STPG1: variants seen among roughly 807,000 people sequenced by gnomAD.
STPG1 encodes O(6)-methylguanine-induced apoptosis 2.
STPG1 carries 33 observed loss-of-function variants against 40.1 expected under a neutral mutation model. The observed-to-expected ratio is 0.82, with a 90% CI of 0.62 to 1.10. The LOEUF is 1.10. Among genes scored for constraint, STPG1 ranks in the 50% least tolerant of loss-of-function variants. STPG1 has a pLI of 0.00. For missense variants in STPG1, 396 were observed against 415.1 expected (o/e 0.95, Z 0.40); for synonymous variants, 150 against 155.0 (o/e 0.97, Z 0.24).
At chr1:24,409,932 T>C (rs554243190) in intron 1 of STPG1, among the ~76,000 whole-genome samples, 5 of 152,298 alleles carry the variant, frequency 3.3e-5, no homozygotes, top group Non-Finnish European at 7.4e-5. Flanking sequence ...TGAAAGTTCT[T>C]GACTTAATAA....
intron 3 of STPG1, chr1:24,391,360 T>C (rs1642762707): frequency 2.5e-6 from 1 of 393,092 alleles, no homozygotes; most frequent in Non-Finnish European, 4.5e-6. Context: ...CACAGTTGTT[T>C]TTCCCTGGAT....
chr1:24,381,290 T>A (rs1371466071), intron 4 of STPG1, among the ~76,000 whole-genome samples: 3 of 152,146 alleles, frequency 2.0e-5, no homozygotes, highest in Admixed American at 6.5e-5. Flanking sequence ...AAAAACTTCT[T>A]CCCAAAAAAG....
rs1019577093 is a variant in STPG1, at chr1:24,358,570, C to T, written c.978G>A (p.Glu326=). The T allele has an allele frequency of 1.9e-6, 3 of 1,614,030 alleles. No homozygotes were observed. Among genetic ancestry groups the T allele is most frequent in the Admixed American group, 3.3e-5 (2 of 60,008 alleles). ...ACAGAACCGGGATCCATTTCTTGTC[C>T]TCGTTGTAGAGGAAGGACTGCTTTC... ...LPGKQSFLYN[E]DKKWIPVL is the part of the protein sequence containing the mutation. Residue 326 remains glutamate, a synonymous_variant, in exon 9 of 9, where the codon GAG becomes GAA. Coordinates refer to ENST00000337248, the MANE Select transcript of STPG1 (RefSeq NM_001199013.2).
rs76006557 is a variant in STPG1, at chr1:24,375,992, G to A, written c.463-2182C>T. On this transcript the variant is annotated intron_variant, in intron 5 of 8. Transcript: ENST00000337248. ...TGCTAATACTGGTGGAGGGACAGAG[G>A]TAGGAGAGAATATGAAAGAAATTGC... Among the ~76,000 whole-genome samples the A allele has an allele frequency of 3.4e-3, 517 of 152,280 alleles. 10 individuals are homozygous for A. The East Asian group carries it at 0.049, about 15-fold the overall frequency.
At chr1:24,358,969 G>A (rs914393977) in intron 8 of STPG1, among the ~76,000 whole-genome samples, 10 of 152,156 alleles carry the variant, frequency 6.6e-5, no homozygotes, top group African/African-American at 2.4e-4. Context: ...CTAGTTCAGG[G>A]GTTTCCATAA....
At chr1:24,372,526 A>G (rs997742800) in intron 6 of STPG1, among the ~76,000 whole-genome samples, 2 of 152,164 alleles carry the variant, frequency 1.3e-5, no homozygotes, top group African/African-American at 4.8e-5. Context: ...CCCACATCCC[A>G]GGGCTCACTG....
chr1:24,390,419 T>G (rs905261622), intron 3 of STPG1, among the ~76,000 whole-genome samples: 1 of 152,132 alleles, frequency 6.6e-6, no homozygotes, highest in Non-Finnish European at 1.5e-5. Flanking sequence ...ACATTGTTGT[T>G]GTGGTGGTGG....
intron 7 of STPG1, among the ~76,000 whole-genome samples, chr1:24,365,117 C>G (rs1424185063): frequency 6.6e-6 from 1 of 152,192 alleles, no homozygotes; most frequent in Non-Finnish European, 1.5e-5. Context: ...CAGATTACAG[C>G]TGCTTGGGAA....
intron 4 of STPG1, among the ~76,000 whole-genome samples, chr1:24,382,718 C>G (rs1389883572): frequency 6.7e-6 from 1 of 149,700 alleles, no homozygotes; most frequent in Non-Finnish European, 1.5e-5. Flanking sequence ...GTATCCGATT[C>G]TGCCAAATTC....
At chr1:24,370,503 T>G (rs190860385) in intron 6 of STPG1, among the ~76,000 whole-genome samples, 1 of 152,098 alleles carries the variant, frequency 6.6e-6, no homozygotes, top group African/African-American at 2.4e-5. Flanking sequence ...AAAAAAATTT[T>G]TTTTTTGAGA....
chr1:24,386,609 T>G (rs1642516268), intron 3 of STPG1, among the ~76,000 whole-genome samples: 1 of 152,192 alleles, frequency 6.6e-6, no homozygotes. Flanking sequence ...AACGCCCAAG[T>G]AGGTCTCTGG....
intron 2 of STPG1, among the ~76,000 whole-genome samples, chr1:24,393,720 A>C (rs1288851240): frequency 6.6e-6 from 1 of 152,164 alleles, no homozygotes; most frequent in Non-Finnish European, 1.5e-5. Flanking sequence ...AAACAGGACT[A>C]GATTTGCCCT....
intron 2 of STPG1, among the ~76,000 whole-genome samples, chr1:24,396,672 A>G (rs1481460972): frequency 6.6e-6 from 1 of 152,212 alleles, no homozygotes; most frequent in Non-Finnish European, 1.5e-5. Context: ...TGTTGCTTTA[A>G]GGTAACCACT....
At chr1:24,371,473 C>T (rs1641735490) in intron 6 of STPG1, among the ~76,000 whole-genome samples, 1 of 151,838 alleles carries the variant, frequency 6.6e-6, no homozygotes, top group Non-Finnish European at 1.5e-5. Flanking sequence ...CACCTGTATT[C>T]TCAGCTGTTC....
chr1:24,392,858 G>GAA (rs35727978), intron 2 of STPG1, among the ~76,000 whole-genome samples: 88,502 of 151,018 alleles, frequency 0.59, 25,985 homozygotes, highest in East Asian at 0.76. Context: ...AGAAATGGGG[G>GAA]AAAAAAAACA....
At chr1:24,387,022 A>G (rs1474209570) in intron 3 of STPG1, among the ~76,000 whole-genome samples, 1 of 152,104 alleles carries the variant, frequency 6.6e-6, no homozygotes, top group African/African-American at 2.4e-5. Context: ...CATCACCATC[A>G]CCACGCACGA....
chr1:24,369,156 T>C (rs916421174), intron 7 of STPG1: 1 of 359,080 alleles, frequency 2.8e-6, no homozygotes, highest in Non-Finnish European at 5.6e-6. Flanking sequence ...ATCCAGCAGG[T>C]ATCACCAACT....
At chr1:24,413,211 C>T (rs1004558872) in intron 1 of STPG1, among the ~76,000 whole-genome samples, 8 of 152,204 alleles carry the variant, frequency 5.3e-5, no homozygotes, top group Non-Finnish European at 7.3e-5. Context: ...CCACCAGGTT[C>T]CAATCTCACC....
rs544735543 is a variant in STPG1, at chr1:24,365,897, C to T, written c.737+3777G>A. Among the ~76,000 whole-genome samples the T allele has an allele frequency of 3.9e-5, 6 of 152,274 alleles. No homozygotes were observed. The South Asian group carries it at 1.2e-3, about 32-fold the overall frequency. On this transcript the variant is annotated intron_variant, in intron 7 of 8. Coordinates refer to ENST00000337248, the MANE Select transcript of STPG1 (RefSeq NM_001199013.2). ...ACTTTGGGGCCTACGCTAATCAATCCACTGCCCACGCTGCCTCCATGGCCT... is the reference window on the plus strand; with the variant it reads ...ACTTTGGGGCCTACGCTAATCAATCTACTGCCCACGCTGCCTCCATGGCCT...
Sources: gnomAD v4.1 joint callset for allele counts (sites outside exome capture counted in the v4.1 genomes callset) on GRCh38, gnomAD v4.1.1 for gene constraint, MANE v1.5 for transcripts, NCBI Gene and HGNC (gene_info 2026-07-23, HGNC 2026-07-21) for gene names.